The following KIFC1 variants were observed in gnomAD, a reference collection of about 807,000 sequenced individuals.
The protein encoded by KIFC1 is kinesin-like protein KIFC1.
A neutral mutation model predicts 66.6 loss-of-function variants in KIFC1; 37 were observed. The ratio of observed to expected loss-of-function variants is 0.56; its 90% CI spans 0.43 to 0.73. The LOEUF (loss-of-function observed/expected upper bound fraction) is 0.73, where lower values mean the gene tolerates loss of function less well. KIFC1 is among the 30% of genes least tolerant of loss of function. The pLI is 0.00. For synonymous variants in KIFC1, 325 were observed against 343.5 expected, an observed-to-expected ratio of 0.95 and a Z score of 0.60; for missense variants, 721 against 859.8, an observed-to-expected ratio of 0.84 and a Z score of 2.02.
At chr6:33,398,487 CAG>C (rs759492514) in intron 3 of KIFC1, 100 bp downstream of exon 3, 498 of 947,434 alleles carry the variant, frequency 5.3e-4, no homozygotes, top group Non-Finnish European at 7.0e-4. Context: ...TTTTTTGAGA[CAG>C]AGTCTCGCTC....
chr6:33,409,880 T>C lies in KIFC1; in HGVS notation c.*190T>C. 2 of 614,022 alleles carry C rather than the reference T, an allele frequency of 3.3e-6. No homozygotes were observed. Among genetic ancestry groups the C allele is most frequent in the Non-Finnish European group, 5.7e-6 (2 of 352,772 alleles). 38.0% of individuals were successfully genotyped at this position (614,022 alleles called of 1,614,324 possible). On this transcript the variant is annotated 3_prime_UTR_variant, in exon 11 of 11. Coordinates refer to ENST00000428849, the MANE Select transcript of KIFC1 (RefSeq NM_002263.4). Reference sequence around the variant, plus strand: ...TGGTTTTTTTTTTAAATAAAGGTTTTATTAGCATTTGCCCAAGAAGGCAGA... The same window carrying C: ...TGGTTTTTTTTTTAAATAAAGGTTTCATTAGCATTTGCCCAAGAAGGCAGA...
chr6:33,409,705 C>CTCTGTGTGTGTGTGTGTGGTG lies in KIFC1; in HGVS notation c.*16_*17insCTGTGTGTGTGTGTGTGGTGT, dbSNP rs879041071. ...ACAGGAAGTGAAGACGGATCCAGAT[C>CTCTGTGTGTGTGTGTGTGGTG]TGTGTGTGTGTGTGTGTGTGTGTGT... is the stretch of plus-strand genomic sequence containing the variant. On this transcript the variant is annotated 3_prime_UTR_variant, in exon 11 of 11. Transcript: ENST00000428849. The CTCTGTGTGTGTGTGTGTGGTG allele has an allele frequency of 9.0e-7, 1 of 1,107,600 alleles. No homozygotes were observed. The highest frequency in any genetic ancestry group is 2.2e-5 in the Admixed American group (1 of 44,498). The allele number at this position is 1,107,600 out of a possible 1,614,324, so 68.6% of individuals were successfully genotyped here.
rs1562829109 is a variant in KIFC1, at chr6:33,398,121, CAA to C, written c.106_107del (p.Lys36GlufsTer4). On this transcript the variant is annotated frameshift_variant, in exon 2 of 11. Coordinates refer to ENST00000428849, the MANE Select transcript of KIFC1 (RefSeq NM_002263.4). LOFTEE classifies it high-confidence loss of function. Reference protein sequence around the residue: ...SQLPLSGSRLKRRPDQMEDGL... With the variant: ...SQLPLSGSRLXRRPDQMEDGL... ...AGCTGCCTCTCTCAGGAAGCAGACTCAAGAGGAGGCCTGACCAGATGGAAGAT... is the reference window on the plus strand; with the variant it reads ...AGCTGCCTCTCTCAGGAAGCAGACTCGAGGAGGCCTGACCAGATGGAAGAT... 1.2e-6 allele frequency: 2 copies of C among 1,614,150 alleles called. No individual in the cohort carries two copies. Among genetic ancestry groups the C allele is most frequent in the Non-Finnish European group, 1.7e-6 (2 of 1,180,024 alleles).
Position 33,400,654 on chromosome 6 carries a change from CTT to C in KIFC1, c.250+2276_250+2277del. ...AGCCGAAAGCCGAGAGCTTCTCTCT[CTT>C]TTTTTTTTGAGATGGAGTCTCGCTC... On this transcript the variant is annotated intron_variant, in intron 3 of 10. Coordinates refer to ENST00000428849, the MANE Select transcript of KIFC1 (RefSeq NM_002263.4). This position sits in a 1 kb window ranked among gnomAD's most constrained non-coding sequence, Gnocchi z 4.3. 1.4e-5 allele frequency: 8 copies of C among 560,024 alleles called. No homozygotes were observed. Among genetic ancestry groups the C allele is most frequent in the East Asian group, 3.3e-5 (1 of 30,594 alleles). The allele number at this position is 560,024 out of a possible 1,614,324, so 34.7% of individuals were successfully genotyped here. A position where few individuals can be genotyped will look rare whatever the true frequency, so the allele number is the denominator to read the frequency against.
At position 33,402,922 on chromosome 6, in the gene KIFC1, G is replaced by A. The variant is rs139417195; in HGVS notation, c.251-392G>A. ...GAATCGCTTGAACCCTGGAGGTAGAGTTTGCTGTGAGCTGAGATCATGCCA... is the reference window on the plus strand; with the variant it reads ...GAATCGCTTGAACCCTGGAGGTAGAATTTGCTGTGAGCTGAGATCATGCCA... On this transcript the variant is annotated intron_variant, in intron 3 of 10. Transcript: ENST00000428849. Among the ~76,000 whole-genome samples the A allele has an allele frequency of 3.8e-4, 58 of 152,340 alleles. No homozygotes were observed. In the East Asian group the frequency reaches 0.011, roughly 28 times the overall value.
intron 1 of KIFC1, 84 bp downstream of exon 1, chr6:33,392,081 G>A: frequency 6.7e-7 from 1 of 1,500,258 alleles, no homozygotes. Context: ...CCCGGCTCCC[G>A]GTCGGCCTTT....
intron 1 of KIFC1, among the ~76,000 whole-genome samples, chr6:33,395,109 T>C (rs1440812450): frequency 3.9e-5 from 6 of 152,142 alleles, no homozygotes; most frequent in Non-Finnish European, 7.4e-5. Flanking sequence ...ATCTTGAGGA[T>C]AGCAATTTCG....
At chr6:33,399,861 C>T (rs1170499464) in intron 3 of KIFC1, among the ~76,000 whole-genome samples, 1 of 152,170 alleles carries the variant, frequency 6.6e-6, no homozygotes, top group African/African-American at 2.4e-5. Context: ...AAACATGGTA[C>T]AGTTAGGCTA....
chr6:33,394,590 T>G (rs1774942189), intron 1 of KIFC1, among the ~76,000 whole-genome samples: 1 of 152,198 alleles, frequency 6.6e-6, no homozygotes, highest in African/African-American at 2.4e-5. Context: ...CAAGCAATCC[T>G]CCCACCTCAA....
intron 1 of KIFC1, among the ~76,000 whole-genome samples, chr6:33,397,592 G>A (rs1010902473): frequency 6.6e-6 from 1 of 152,152 alleles, no homozygotes; most frequent in Non-Finnish European, 1.5e-5. Context: ...CACTGCACCC[G>A]GTCCAGGTGA....
rs1351848363 is a variant in KIFC1 at position 33,405,293 on chromosome 6, G to C, written c.1198G>C (p.Asp400His). The change falls in exon 7 of 11, where the codon GAT becomes CAT. Residue 400 changes from aspartate (D) to histidine (H), a missense_variant. Coordinates refer to ENST00000428849, the MANE Select transcript of KIFC1 (RefSeq NM_002263.4). This position sits in a 1 kb window ranked among gnomAD's most constrained non-coding sequence, Gnocchi z 5.4. ...TGCCATGCTTGTCCAGTCAGCCCTGGATGGCTATCCAGTATGCATCTTTGC... is the reference window on the plus strand; with the variant it reads ...TGCCATGCTTGTCCAGTCAGCCCTGCATGGCTATCCAGTATGCATCTTTGC... ...EIAMLVQSAL[D>H]GYPVCIFAYG... 1 of 1,614,196 alleles carries C rather than the reference G, an allele frequency of 6.2e-7. No individual in the cohort carries two copies. Among genetic ancestry groups the C allele is most frequent in the South Asian group, 1.1e-5 (1 of 91,088 alleles).
chr6:33,405,764 T>A lies in KIFC1; in HGVS notation c.1536+133T>A. The A allele has an allele frequency of 1.0e-6, 1 of 987,104 alleles. No individual in the cohort carries two copies. The highest frequency in any genetic ancestry group is 1.4e-6 in the Non-Finnish European group (1 of 709,478). The allele number at this position is 987,104 out of a possible 1,614,324, so 61.1% of individuals were successfully genotyped here. On this transcript the variant is annotated intron_variant, in intron 7 of 10. Coordinates refer to ENST00000428849, the MANE Select transcript of KIFC1 (RefSeq NM_002263.4). The surrounding 1 kb of genome is among the most constrained non-coding windows in gnomAD (Gnocchi z 5.4). ...CAAGTTATCAGGCTGGGTTACCACA[T>A]CCGGTTTTGGCCTGTGGGCTGTCGG... is the stretch of plus-strand genomic sequence containing the variant.
chr6:33,391,670 C>T, upstream of KIFC1: 2 of 562,090 alleles, frequency 3.6e-6, no homozygotes, highest in African/African-American at 1.9e-5. Context: ...ATCCGCCTAC[C>T]TCTCCTGCGC....
In KIFC1 at chr6:33,403,025, G is replaced by T. The variant is rs1473911905; in HGVS notation, c.251-289G>T. Among the ~76,000 whole-genome samples, 4 of 152,072 alleles carry T rather than the reference G, an allele frequency of 2.6e-5. No homozygotes were observed. The highest frequency in any genetic ancestry group is 5.9e-5 in the Non-Finnish European group (4 of 68,010). The stretch of plus-strand genomic sequence containing the variant: ...TAAAGTATATGGGAGCGTGTGCATA[G>T]ACTATATTTAATACTATATACCTAT... On this transcript the variant is annotated intron_variant, in intron 3 of 10. Transcript: ENST00000428849. The surrounding 1 kb of genome is among the most constrained non-coding windows in gnomAD (Gnocchi z 4.6).
In KIFC1 at chr6:33,404,829, ATGT is replaced by A; in HGVS notation, c.757-19_757-17del. The A allele has an allele frequency of 1.3e-6, 2 of 1,577,026 alleles. No individual in the cohort carries two copies. Among genetic ancestry groups the A allele is most frequent in the Non-Finnish European group, 1.7e-6 (2 of 1,159,510 alleles). ...CTTGGTTGCATCTTACCCTCTGTGT[ATGT>A]TGTGTTCTCTTCTGGGCAGAGGAGG... On this transcript the variant is annotated intron_variant, in intron 6 of 10. Coordinates refer to ENST00000428849, the MANE Select transcript of KIFC1 (RefSeq NM_002263.4). This position sits in a 1 kb window ranked among gnomAD's most constrained non-coding sequence, Gnocchi z 4.0.
Position 33,409,705 on chromosome 6 carries a change from CTGTGTGTGTGTGTGTGTGTG to C in KIFC1, c.*45_*64del, listed in dbSNP as rs3066474. The C allele has an allele frequency of 1.4e-3, 1,831 of 1,264,030 alleles. 3 individuals are homozygous for C. Among genetic ancestry groups the C allele is most frequent in the East Asian group, 8.9e-3 (350 of 39,488 alleles). The allele number at this position is 1,264,030 out of a possible 1,614,324, so 78.3% of individuals were successfully genotyped here. On this transcript the variant is annotated 3_prime_UTR_variant, in exon 11 of 11. Transcript: ENST00000428849. Reference sequence around the variant, plus strand: ...ACAGGAAGTGAAGACGGATCCAGATCTGTGTGTGTGTGTGTGTGTGTGTGTGTGTGTGTGTGTGTGTGTGT... The same window carrying C: ...ACAGGAAGTGAAGACGGATCCAGATCTGTGTGTGTGTGTGTGTGTGTGTGT...
intron 1 of KIFC1, among the ~76,000 whole-genome samples, chr6:33,396,066 T>C (rs931452882): frequency 5.3e-5 from 8 of 152,210 alleles, no homozygotes; most frequent in African/African-American, 1.9e-4. Context: ...ATTCTTATGG[T>C]GCTCACAGTC....
chr6:33,398,200 G>T (rs201747101), intron 2 of KIFC1, 34 bp downstream of exon 2: 30 of 1,613,634 alleles, frequency 1.9e-5, no homozygotes, highest in Middle Eastern at 1.6e-4. Flanking sequence ...GCATGTGTGT[G>T]GGGGGTGTGT....
At chr6:33,391,542 A>C (rs1774779085), upstream of KIFC1, 2 of 225,784 alleles carry the variant, frequency 8.9e-6, no homozygotes, top group Non-Finnish European at 1.8e-5. Context: ...TCGTGCGGCG[A>C]CGTCCACGCA....
Sources: allele counts gnomAD v4.1 joint callset (sites outside exome capture counted in the v4.1 genomes callset), GRCh38; gene constraint gnomAD v4.1.1; non-coding constraint Gnocchi (gnomAD v3.1); transcripts MANE v1.5; gene names NCBI Gene and HGNC (gene_info 2026-07-23, HGNC 2026-07-21).